Variants in MIF4GD observed in about 807,000 individuals in gnomAD.
MIF4GD encodes MIF4G domain containing, also known as MIF4G domain-containing protein.
In MIF4GD, 22 loss-of-function variants were observed where a neutral mutation model predicts 26.7. The ratio of observed to expected loss-of-function variants is 0.82; its 90% confidence interval spans 0.59 to 1.18. The LOEUF is 1.18. Ranked by LOEUF, MIF4GD falls within the 50% of genes most tolerant of loss-of-function variation. The pLI is 0.00. For synonymous variants in MIF4GD, 137 were observed against 111.6 expected, an observed-to-expected ratio of 1.23 and a Z score of -1.43; for missense variants, 262 against 279.6, an observed-to-expected ratio of 0.94 and a Z score of 0.45.
Position 75,266,612 on chromosome 17 carries a change from A to G in MIF4GD, c.*128T>C, listed in dbSNP as rs2145645702. On this transcript the variant is annotated 3_prime_UTR_variant, in exon 6 of 6. Coordinates refer to ENST00000325102, the MANE Select transcript of MIF4GD (RefSeq NM_001370592.1). Reference sequence around the variant, plus strand: ...GAAACATCTCACCAGGAGATGGGAAAGTCTAGAAGGGAAGACACTCAAAGT... The same window carrying G: ...GAAACATCTCACCAGGAGATGGGAAGGTCTAGAAGGGAAGACACTCAAAGT... The G allele has an allele frequency of 3.5e-6, 3 of 845,436 alleles. No homozygotes were observed. Among genetic ancestry groups the G allele is most frequent in the Non-Finnish European group, 5.7e-6 (3 of 522,684 alleles). The allele number at this position is 845,436 out of a possible 1,614,324, so 52.4% of individuals were successfully genotyped here.
chr17:75,269,607 T>G (rs2077644711), intron 2 of MIF4GD: 3 of 862,806 alleles, frequency 3.5e-6, no homozygotes, highest in Admixed American at 3.3e-5. Context: ...GTAGCCAGGC[T>G]GGAGTGCAGT....
At chr17:75,268,023 T>C in intron 3 of MIF4GD, 60 bp downstream of exon 3, 1 of 1,606,306 alleles carries the variant, frequency 6.2e-7, no homozygotes, top group Non-Finnish European at 8.5e-7. Context: ...GGCCAGGCCT[T>C]CTGCCCACTC....
At chr17:75,269,602 C>G in intron 2 of MIF4GD, 1 of 888,390 alleles carries the variant, frequency 1.1e-6, no homozygotes, top group East Asian at 2.9e-5. Flanking sequence ...GCTCTGTAGC[C>G]AGGCTGGAGT....
In MIF4GD at chr17:75,267,737, G is replaced by T; in HGVS notation, c.348+9C>A. ...TGTCTGCCTCCCAGGGTGGCTGCCG[G>T]GGCCTCACCCTCAGGTAGTCAAAGA... On this transcript the variant is annotated intron_variant, in intron 4 of 5. Transcript: ENST00000325102. The T allele has an allele frequency of 6.2e-7, 1 of 1,612,322 alleles. No homozygotes were observed. The highest frequency in any genetic ancestry group is 2.2e-5 in the East Asian group (1 of 44,854).
Position 75,267,550 on chromosome 17 carries a change from G to C in MIF4GD, c.429C>G (p.Ser143Arg), listed in dbSNP as rs756274897. The C allele has an allele frequency of 1.9e-6, 3 of 1,614,148 alleles. No individual in the cohort carries two copies. Among genetic ancestry groups the C allele is most frequent in the South Asian group, 2.2e-5 (2 of 91,084 alleles). Reference protein sequence around the residue: ...LFRLAQPDSLSKEEEVDCLVL... With the variant: ...LFRLAQPDSLRKEEEVDCLVL... The stretch of plus-strand genomic sequence containing the variant: ...TGGGGCCACCCACCTCCTCCTCCTT[G>C]CTCAAACTGTCTGGCTGGGCCAGCC... Residue 143 changes from serine (S) to arginine (R), a missense_variant, in exon 5 of 6, where the codon AGC (serine) becomes AGG (arginine). By Grantham distance (110) the Ser-to-Arg change is moderately radical (BLOSUM62 -1). Coordinates refer to ENST00000325102, the MANE Select transcript of MIF4GD (RefSeq NM_001370592.1).
Position 75,268,103 on chromosome 17 carries a change from T to C in MIF4GD, c.172A>G (p.Met58Val), listed in dbSNP as rs1249426145. 2 of 1,614,226 alleles carry C rather than the reference T, an allele frequency of 1.2e-6. No individual in the cohort carries two copies. The highest frequency in any genetic ancestry group is 1.7e-6 in the Non-Finnish European group (2 of 1,180,016). ...DCVFSKEAGR[M>V]CYAIIQAESK... ...CCAACCTGAATGATGGCGTAGCACA[T>C]GCGTCCTGCTTCCTTGCTGAACACA... Residue 58 changes from methionine to valine, a missense_variant, in exon 3 of 6, where the codon ATG becomes GTG. Physicochemically the swap from Met to Val is conservative, Grantham distance 21 (BLOSUM62 1). Coordinates refer to ENST00000325102, the MANE Select transcript of MIF4GD (RefSeq NM_001370592.1).
At chr17:75,268,671 C>CA (rs1192409186) in intron 2 of MIF4GD, among the ~76,000 whole-genome samples, 487 of 47,572 alleles carry the variant, frequency 0.01, 1 homozygote, top group East Asian at 0.039. Context: ...GACTCCGTCT[C>CA]AAAAAAAAAA....
chr17:75,267,719 C>T, intron 4 of MIF4GD, 27 bp downstream of exon 4: 3 of 1,611,998 alleles, frequency 1.9e-6, no homozygotes, highest in Non-Finnish European at 2.5e-6. Context: ...CCATGTCTGC[C>T]TCCCAGGGTG....
Position 75,269,737 on chromosome 17 carries a change from C to CTTTTTTTTTTTTTTTTTTT in MIF4GD, c.82+376_82+377insAAAAAAAAAAAAAAAAAAA, listed in dbSNP as rs796368431. ...ACTATGCCCGGCTAATTTTTCTTTT[C>CTTTTTTTTTTTTTTTTTTT]TTTCTTTTTTTTTTTTTTTTTGTAG... On this transcript the variant is annotated intron_variant, in intron 2 of 5. Transcript: ENST00000325102. 3.9e-5 allele frequency among the ~76,000 whole-genome samples: 4 copies of CTTTTTTTTTTTTTTTTTTT among 103,740 alleles called. 1 individual carries two copies. The highest frequency in any genetic ancestry group is 7.3e-5 in the Non-Finnish European group (4 of 55,038). The allele number at this position is 103,740 out of a possible 152,430, so 68.1% of individuals were successfully genotyped here. A position where few individuals can be genotyped will look rare whatever the true frequency, so the allele number is the denominator to read the frequency against.
chr17:75,267,260 A>T (rs1284886142), intron 5 of MIF4GD, among the ~76,000 whole-genome samples: 1 of 152,108 alleles, frequency 6.6e-6, no homozygotes, highest in South Asian at 2.1e-4. Context: ...GGCCGTCTGT[A>T]CCCACAGCTA....
Position 75,266,735 on chromosome 17 carries a change from G to C in MIF4GD, c.*5C>G. 6.2e-7 allele frequency: 1 copy of C among 1,614,068 alleles called. No individual in the cohort carries two copies. Among genetic ancestry groups the C allele is most frequent in the South Asian group, 1.1e-5 (1 of 91,080 alleles). Reference sequence around the variant, plus strand: ...GTGCTGGTGAGGAAGCCCTGATCTGGAGGCCTAGTCGGAGACTTCGCTGTA... The same window carrying C: ...GTGCTGGTGAGGAAGCCCTGATCTGCAGGCCTAGTCGGAGACTTCGCTGTA... On this transcript the variant is annotated 3_prime_UTR_variant, in exon 6 of 6. Transcript: ENST00000325102.
chr17:75,268,893 A>T (rs973069444), intron 2 of MIF4GD, among the ~76,000 whole-genome samples: 8 of 151,720 alleles, frequency 5.3e-5, no homozygotes, highest in Non-Finnish European at 1.2e-4. Flanking sequence ...AACCCCAGCT[A>T]CTTGGGAGGC....
At chr17:75,267,327 C>T (rs2077528157) in intron 5 of MIF4GD, 1 of 608,276 alleles carries the variant, frequency 1.6e-6, no homozygotes, top group Non-Finnish European at 2.9e-6. Context: ...AAGGAAGCTA[C>T]TGAGCCAGTA....
Position 75,270,196 on chromosome 17 carries a change from G to A in MIF4GD, c.-1C>T, listed in dbSNP as rs1469470696. 4 of 1,613,430 alleles carry A rather than the reference G, an allele frequency of 2.5e-6. No homozygotes were observed. In the Admixed American group the frequency reaches 6.7e-5, roughly 27 times the overall value. On this transcript the variant is annotated 5_prime_UTR_variant, in exon 2 of 6. Coordinates refer to ENST00000325102, the MANE Select transcript of MIF4GD (RefSeq NM_001370592.1). The surrounding 1 kb of genome is among the most constrained non-coding windows in gnomAD (Gnocchi z 5.7). ...ACTCCTCTCTACTGGGCTCCCCCAT[G>A]ACTAGCCAGCCCCGGTAGCTCTTGA...
chr17:75,269,535 T>G, intron 2 of MIF4GD: 1 of 1,507,426 alleles, frequency 6.6e-7, no homozygotes, highest in Non-Finnish European at 8.9e-7. Flanking sequence ...GTGTTCTTTT[T>G]TTTATGGTTA....
chr17:75,268,256 T>C, intron 2 of MIF4GD, 64 bp from the exon 3 acceptor site: 1 of 1,268,320 alleles, frequency 7.9e-7, no homozygotes. Flanking sequence ...TCCACCCGCT[T>C]CTAAGAATTT....
chr17:75,270,515 C>A lies in MIF4GD; in HGVS notation c.-50-270G>T. The A allele has an allele frequency of 3.1e-6, 1 of 323,424 alleles. No individual in the cohort carries two copies. Among genetic ancestry groups the A allele is most frequent in the South Asian group, 3.0e-5 (1 of 32,904 alleles). The allele number at this position is 323,424 out of a possible 1,614,324, so 20.0% of individuals were successfully genotyped here. On this transcript the variant is annotated intron_variant, in intron 1 of 5. Coordinates refer to ENST00000325102, the MANE Select transcript of MIF4GD (RefSeq NM_001370592.1). The surrounding 1 kb of genome is among the most constrained non-coding windows in gnomAD (Gnocchi z 5.7). ...GCAGGAAAGCGCCCACCCTCCAGTC[C>A]CAGCAGGAGGCAGGAGTAGACTGGG...
intron 2 of MIF4GD, chr17:75,269,547 A>AATTTTTT: frequency 1.3e-6 from 1 of 766,084 alleles, no homozygotes; most frequent in Admixed American, 5.1e-5. Context: ...TTATGGTTAA[A>AATTTTTT]CTTTTTTTTT....
intron 5 of MIF4GD, 69 bp from the exon 6 acceptor site, chr17:75,267,036 A>T (rs2077512216): frequency 2.2e-6 from 3 of 1,385,872 alleles, no homozygotes; most frequent in Non-Finnish European, 3.0e-6. Context: ...GCATTTGCCA[A>T]GTGCCAGGTG....
Sources: allele counts gnomAD v4.1 joint callset (sites outside exome capture counted in the v4.1 genomes callset), GRCh38; gene constraint gnomAD v4.1.1; non-coding constraint Gnocchi (gnomAD v3.1); transcripts MANE v1.5; gene names NCBI Gene and HGNC (gene_info 2026-07-23, HGNC 2026-07-21).